ATP13A5: variants seen among roughly 807,000 people sequenced by gnomAD.
ATP13A5 encodes the protein probable cation-transporting ATPase 13A5.
Under a neutral mutation model 150.2 loss-of-function variants are expected in ATP13A5, and 149 were observed. The observed-to-expected ratio is 0.99, with a 90% CI of 0.87 to 1.14. The LOEUF is 1.14. Among genes scored for constraint, ATP13A5 ranks in the 50% most tolerant of loss-of-function variants. The pLI is 0.00. For missense variants in ATP13A5, 1,383 were observed against 1,449.3 expected (o/e 0.95, Z 0.74); for synonymous variants, 497 against 522.2 (o/e 0.95, Z 0.66).
At chr3:193,304,093 A>G (rs986824749) in intron 23 of ATP13A5, among the ~76,000 whole-genome samples, 1 of 152,192 alleles carries the variant, frequency 6.6e-6, no homozygotes, top group Non-Finnish European at 1.5e-5. Flanking sequence ...AACCAAGGTT[A>G]AGACACTAGA....
chr3:193,370,752 AT>A (rs1344127290), intron 1 of ATP13A5, among the ~76,000 whole-genome samples: 1 of 152,218 alleles, frequency 6.6e-6, no homozygotes, highest in Non-Finnish European at 1.5e-5. Context: ...GTGTTATTTA[AT>A]TCTCACCACA....
At chr3:193,321,526 G>T (rs1023794567) in intron 16 of ATP13A5, among the ~76,000 whole-genome samples, 155 bp downstream of exon 16, 1 of 152,182 alleles carries the variant, frequency 6.6e-6, no homozygotes, top group African/African-American at 2.4e-5. Flanking sequence ...AGCTACTTGG[G>T]AGGCTGAGGC....
intron 7 of ATP13A5, among the ~76,000 whole-genome samples, chr3:193,350,191 C>T (rs946624543): frequency 6.6e-6 from 1 of 151,806 alleles, no homozygotes; most frequent in Non-Finnish European, 1.5e-5. Flanking sequence ...TTAATAAAGA[C>T]ATAAATCTCC....
chr3:193,342,403 A>AT (rs1161471992), intron 9 of ATP13A5, among the ~76,000 whole-genome samples: 2 of 152,176 alleles, frequency 1.3e-5, no homozygotes, highest in East Asian at 3.8e-4. Flanking sequence ...GCAATAAAGT[A>AT]TTTAGACCAG....
At chr3:193,301,664 C>A (rs968050319) in intron 23 of ATP13A5, among the ~76,000 whole-genome samples, 3 of 152,138 alleles carry the variant, frequency 2.0e-5, no homozygotes, top group African/African-American at 7.2e-5. Context: ...TGATAAGGTG[C>A]AAAATGTCAA....
Position 193,290,007 on chromosome 3 carries a change from C to G in ATP13A5, c.2901G>C (p.Gln967His), listed in dbSNP as rs1717883416. 1 of 1,612,624 alleles carries G rather than the reference C, an allele frequency of 6.2e-7. No individual in the cohort carries two copies. Reference sequence around the variant, plus strand: ...AAAGCAGTAAAGGGGGAGAAAGGAGCTGTCCTGCTGGTCTATATGGAGCCA... The same window carrying G: ...AAAGCAGTAAAGGGGGAGAAAGGAGGTGTCCTGCTGGTCTATATGGAGCCA... Reference protein sequence around the residue: ...PKLAPYRPAGQLLSPPLLLSI... With the variant: ...PKLAPYRPAGHLLSPPLLLSI... The change falls in exon 26 of 30, where the codon CAG becomes CAC. Residue 967 changes from glutamine to histidine, a missense_variant. Gln to His is a conservative substitution (Grantham distance 24). Coordinates refer to ENST00000342358, the MANE Select transcript of ATP13A5 (RefSeq NM_198505.4).
Position 193,314,063 on chromosome 3 carries a change from C to T in ATP13A5, c.2289G>A (p.Val763=). Residue 763 remains valine, a synonymous_variant, in exon 19 of 30, where the codon GTG becomes GTA. Transcript: ENST00000342358. ...TCCCAGGTCCAGTCTCTTGGTTCTC[C>T]ACCAGCTGCCAGGTCACAGAGGCAG... ...FVPASVTWQL[V]ENQETGPGKK... is the part of the protein sequence containing the mutation. 6.2e-7 allele frequency: 1 copy of T among 1,613,660 alleles called. No individual in the cohort carries two copies. The highest frequency in any genetic ancestry group is 8.5e-7 in the Non-Finnish European group (1 of 1,179,880).
At chr3:193,283,996 T>C (rs1205747434) in intron 27 of ATP13A5, among the ~76,000 whole-genome samples, 1 of 126,070 alleles carries the variant, frequency 7.9e-6, no homozygotes, top group Non-Finnish European at 1.6e-5. Flanking sequence ...CTCTGGCTTC[T>C]TTGGCCTGCG....
chr3:193,297,820 A>G (rs927149150), intron 25 of ATP13A5, among the ~76,000 whole-genome samples: 1 of 152,098 alleles, frequency 6.6e-6, no homozygotes, highest in African/African-American at 2.4e-5. Context: ...TAAGTGTGCA[A>G]AAGCTCCAAA....
rs78707925 is a variant in ATP13A5, at chr3:193,311,070, T to C, written c.2446-353A>G. Reference sequence around the variant, plus strand: ...AGACACCATCTCCATAATCATAGCATAGACAGAGGAAAGGCTGGAAGCTGA... The same window carrying C: ...AGACACCATCTCCATAATCATAGCACAGACAGAGGAAAGGCTGGAAGCTGA... On this transcript the variant is annotated intron_variant, in intron 20 of 29. Transcript: ENST00000342358. 4.0e-3 allele frequency among the ~76,000 whole-genome samples: 613 copies of C among 152,288 alleles called. 1 individual carries two copies. The highest frequency in any genetic ancestry group is 0.014 in the African/African-American group (586 of 41,568).
intron 7 of ATP13A5, among the ~76,000 whole-genome samples, chr3:193,348,344 G>GA (rs1288761795): frequency 4.6e-5 from 7 of 152,116 alleles, no homozygotes; most frequent in Admixed American, 4.6e-4. Flanking sequence ...ATTTCCTCTA[G>GA]AGATGAGTAA....
chr3:193,334,001 T>A, intron 10 of ATP13A5, 94 bp from the exon 11 acceptor site: 1 of 1,177,130 alleles, frequency 8.5e-7, no homozygotes, highest in Non-Finnish European at 1.2e-6. Flanking sequence ...AAGAGTAGAG[T>A]GTCCTCTAAC....
At chr3:193,277,906 A>G (rs1717297910) in intron 28 of ATP13A5, among the ~76,000 whole-genome samples, 1 of 152,116 alleles carries the variant, frequency 6.6e-6, no homozygotes, top group Non-Finnish European at 1.5e-5. Context: ...GCTCACTGCA[A>G]CATTCTCCTG....
chr3:193,333,139 T>G (rs60335002), intron 11 of ATP13A5, among the ~76,000 whole-genome samples: 2 of 148,822 alleles, frequency 1.3e-5, no homozygotes, highest in African/African-American at 5.0e-5. Context: ...TCTCTCTCTC[T>G]CACACACACA....
intron 25 of ATP13A5, among the ~76,000 whole-genome samples, chr3:193,292,003 A>G (rs761449760): frequency 1.3e-5 from 2 of 152,110 alleles, no homozygotes; most frequent in Non-Finnish European, 2.9e-5. Context: ...TTTGTAGCCA[A>G]CTAATCAGAA....
intron 29 of ATP13A5, among the ~76,000 whole-genome samples, chr3:193,275,811 A>G (rs1717171765): frequency 6.6e-6 from 1 of 152,198 alleles, no homozygotes; most frequent in Admixed American, 6.5e-5. Context: ...CAAATTTTGC[A>G]TCCCAGTTTT....
intron 17 of ATP13A5, 22 bp from the exon 18 acceptor site, chr3:193,315,118 A>C: frequency 6.2e-7 from 1 of 1,610,662 alleles, no homozygotes. Flanking sequence ...GGAGAAAATC[A>C]ATATTAAAGT....
At chr3:193,300,942 T>G (rs1055132833) in intron 24 of ATP13A5, among the ~76,000 whole-genome samples, 21 of 152,176 alleles carry the variant, frequency 1.4e-4, no homozygotes, top group Non-Finnish European at 4.4e-5. Context: ...TCTCTTCATA[T>G]TCCAAAAGAA....
chr3:193,353,553 G>A (rs12491434), intron 6 of ATP13A5, among the ~76,000 whole-genome samples: 82,303 of 151,960 alleles, frequency 0.54, 22,524 homozygotes, highest in African/African-American at 0.61. Flanking sequence ...CTAACCCCCA[G>A]TGTGATGGTA....
Sources: gnomAD v4.1 joint callset for allele counts (sites outside exome capture counted in the v4.1 genomes callset) on GRCh38, gnomAD v4.1.1 for gene constraint, MANE v1.5 for transcripts, NCBI Gene and HGNC (gene_info 2026-07-23, HGNC 2026-07-21) for gene names.